The following SEC14L1 variants were observed in gnomAD, a reference collection of about 807,000 sequenced individuals.
SEC14L1 encodes the protein SEC14-like protein 1.
In SEC14L1, 48 loss-of-function variants were observed where a neutral mutation model predicts 85.3. The ratio of observed to expected loss-of-function variants is 0.56; its 90% CI spans 0.45 to 0.72. SEC14L1 has a LOEUF of 0.72. SEC14L1 is among the 30% of genes least tolerant of loss of function. The pLI is 0.00. For synonymous variants in SEC14L1, 391 were observed against 355.5 expected, an observed-to-expected ratio of 1.10 and a Z score of -1.12; for missense variants, 682 against 921.4, an observed-to-expected ratio of 0.74 and a Z score of 3.36.
chr17:77,190,224 C>T (rs141364829), intron 3 of SEC14L1, among the ~76,000 whole-genome samples: 24 of 152,272 alleles, frequency 1.6e-4, no homozygotes, highest in Non-Finnish European at 3.2e-4. Context: ...AAAAGACTGG[C>T]GTGCTTTCTT....
chr17:77,169,165 C>T (rs1974423662), intron 3 of SEC14L1, among the ~76,000 whole-genome samples: 1 of 152,002 alleles, frequency 6.6e-6, no homozygotes, highest in Admixed American at 6.6e-5. Flanking sequence ...CATACATTTG[C>T]TTGAGAATAG....
chr17:77,179,484 A>G (rs1018545047), intron 3 of SEC14L1, among the ~76,000 whole-genome samples: 2 of 152,276 alleles, frequency 1.3e-5, no homozygotes, highest in Non-Finnish European at 2.9e-5. Context: ...GTTACTTCGC[A>G]TCTATCATGA....
intron 3 of SEC14L1, among the ~76,000 whole-genome samples, chr17:77,177,492 TGAA>T (rs1262697504): frequency 2.0e-5 from 3 of 151,664 alleles, no homozygotes; most frequent in Non-Finnish European, 4.4e-5. Context: ...TGGAAATTCT[TGAA>T]GAAGAATACA....
At chr17:77,173,935 C>G (rs1974635757) in intron 3 of SEC14L1, among the ~76,000 whole-genome samples, 3 of 150,626 alleles carry the variant, frequency 2.0e-5, no homozygotes, top group Admixed American at 2.0e-4. Context: ...GAGTCTTGCT[C>G]TGTTGCCCAG....
intron 9 of SEC14L1, 142 bp downstream of exon 9, chr17:77,200,815 C>A (rs185908481): frequency 3.1e-5 from 25 of 797,296 alleles, no homozygotes; most frequent in Non-Finnish European, 7.9e-6. Flanking sequence ...TGGCACCTTT[C>A]CCAAGTTGAA....
At chr17:77,114,638 C>T (rs1350393454) in intron 3 of SEC14L1, among the ~76,000 whole-genome samples, 1 of 151,126 alleles carries the variant, frequency 6.6e-6, no homozygotes, top group Non-Finnish European at 1.5e-5. Flanking sequence ...AGTTCGAGAC[C>T]AGCCTGGCCA....
chr17:77,116,900 G>T (rs1432601692), intron 3 of SEC14L1, among the ~76,000 whole-genome samples: 1 of 152,130 alleles, frequency 6.6e-6, no homozygotes, highest in Non-Finnish European at 1.5e-5. Context: ...GGCCATGGGT[G>T]GGAGGATTTT....
intron 3 of SEC14L1, among the ~76,000 whole-genome samples, chr17:77,152,920 T>A (rs900383753): frequency 2.0e-5 from 3 of 152,228 alleles, no homozygotes; most frequent in African/African-American, 7.2e-5. Context: ...TGCCATTGAT[T>A]TGTTAGAGAA....
intron 3 of SEC14L1, among the ~76,000 whole-genome samples, chr17:77,150,512 T>C (rs1332892429): frequency 6.6e-6 from 1 of 152,220 alleles, no homozygotes; most frequent in Admixed American, 6.5e-5. Flanking sequence ...ATTGAAGCTC[T>C]TTCATCCATT....
At chr17:77,124,268 G>T (rs8076422) in intron 3 of SEC14L1, among the ~76,000 whole-genome samples, 1,698 of 152,322 alleles carry the variant, frequency 0.011, 37 homozygotes, top group Admixed American at 0.043. Context: ...GGGGGCTGAG[G>T]GGGGAGGATC....
chr17:77,191,572 TCCCTCTGTCGC>T (rs1975540305), intron 5 of SEC14L1, among the ~76,000 whole-genome samples: 2 of 152,068 alleles, frequency 1.3e-5, no homozygotes, highest in South Asian at 4.2e-4. Context: ...AGACACAGTC[TCCCTCTGTCGC>T]CCAGGCCGGA....
intron 3 of SEC14L1, among the ~76,000 whole-genome samples, chr17:77,103,517 C>G (rs1971829029): frequency 6.6e-6 from 1 of 150,980 alleles, no homozygotes; most frequent in Non-Finnish European, 1.5e-5. Context: ...TCTCAGCTCA[C>G]TGCAACCTCT....
In SEC14L1 at chr17:77,214,059, G is replaced by A. The variant is rs1463664724; in HGVS notation, c.*36G>A. 5 of 1,593,376 alleles carry A rather than the reference G, an allele frequency of 3.1e-6. No individual in the cohort carries two copies. Among genetic ancestry groups the A allele is most frequent in the East Asian group, 4.5e-5 (2 of 44,628 alleles). On this transcript the variant is annotated 3_prime_UTR_variant, in exon 17 of 17. Coordinates refer to ENST00000436233, the MANE Select transcript of SEC14L1 (RefSeq NM_001143998.2). ...CCTGCACCTAGTGTGCAGAGGGGAC[G>A]GCCGCCCCTCCTCGGACAGCCAGCT...
chr17:77,112,282 G>A (rs748940770), intron 3 of SEC14L1, among the ~76,000 whole-genome samples: 3 of 152,050 alleles, frequency 2.0e-5, no homozygotes, highest in African/African-American at 7.2e-5. Context: ...AGCCAGTCTC[G>A]GGTCTCTCTT....
chr17:77,184,935 G>A lies in SEC14L1; in HGVS notation c.64-5868G>A, dbSNP rs191211618. Among the ~76,000 whole-genome samples, 126 of 152,318 alleles carry A rather than the reference G, an allele frequency of 8.3e-4. 1 individual carries two copies. Among genetic ancestry groups the A allele is most frequent in the African/African-American group, 3.0e-3 (124 of 41,580 alleles). On this transcript the variant is annotated intron_variant, in intron 3 of 16. Coordinates refer to ENST00000436233, the MANE Select transcript of SEC14L1 (RefSeq NM_001143998.2). ...GTTCTGGTACCTAAGCCATCCCAGA[G>A]ATGAAAGTTACATCTACTTTTTGCA...
chr17:77,180,084 TTA>T (rs1293865687), intron 3 of SEC14L1, among the ~76,000 whole-genome samples: 11 of 149,746 alleles, frequency 7.3e-5, no homozygotes, highest in African/African-American at 2.0e-4. Context: ...TTATGTTATG[TTA>T]TGTTATGTTA....
Position 77,216,532 on chromosome 17 carries a change from CTT to C in SEC14L1, c.*2511_*2512del, listed in dbSNP as rs1468451104. ...AAGGTGGTCCCTGCTTTCTCTTTCT[CTT>C]TCTCTGTGTCTCAGATGGCGATTTT... On this transcript the variant is annotated 3_prime_UTR_variant, in exon 17 of 17. Coordinates refer to ENST00000436233, the MANE Select transcript of SEC14L1 (RefSeq NM_001143998.2). 5.0e-6 allele frequency: 8 copies of C among 1,613,238 alleles called. No homozygotes were observed. The highest frequency in any genetic ancestry group is 6.8e-6 in the Non-Finnish European group (8 of 1,179,416).
At position 77,215,291 on chromosome 17, in the gene SEC14L1, A is replaced by G; in HGVS notation, c.*1268A>G. On this transcript the variant is annotated 3_prime_UTR_variant, in exon 17 of 17. Transcript: ENST00000436233. Reference sequence around the variant, plus strand: ...CAGCTTTTTATGGGAAAAGCAGGTTATTTGAGAATCTGTCCAGAAGTTGCA... The same window carrying G: ...CAGCTTTTTATGGGAAAAGCAGGTTGTTTGAGAATCTGTCCAGAAGTTGCA... The G allele has an allele frequency of 2.0e-6, 2 of 985,316 alleles. No individual in the cohort carries two copies. The highest frequency in any genetic ancestry group is 2.4e-6 in the Non-Finnish European group (2 of 829,902). 61.0% of individuals were successfully genotyped at this position (985,316 alleles called of 1,614,324 possible).
At chr17:77,167,336 T>C (rs1175674927) in intron 3 of SEC14L1, among the ~76,000 whole-genome samples, 1 of 152,058 alleles carries the variant, frequency 6.6e-6, no homozygotes, top group African/African-American at 2.4e-5. Context: ...GGTTTTGCCA[T>C]GTTGGCCAGG....
Sources: allele counts gnomAD v4.1 joint callset (sites outside exome capture counted in the v4.1 genomes callset), GRCh38; gene constraint gnomAD v4.1.1; transcripts MANE v1.5; gene names NCBI Gene and HGNC (gene_info 2026-07-23, HGNC 2026-07-21).